The following NBAS variants were observed in gnomAD, a reference collection of about 807,000 sequenced individuals.
The protein encoded by NBAS is NBAS subunit of NRZ tethering complex, also known as NAG/BC035112 fusion.
In NBAS, 219 loss-of-function variants were observed where a neutral mutation model predicts 302.5. The observed-to-expected ratio is 0.72, with a 90% CI of 0.65 to 0.81. The LOEUF (loss-of-function observed/expected upper bound fraction) is 0.81, where lower values mean the gene tolerates loss of function less well. NBAS is among the 30% of genes least tolerant of loss of function. The pLI is 0.00. For missense variants in NBAS, 2,932 were observed against 2,841.6 expected (o/e 1.03, Z -0.72); for synonymous variants, 1,118 against 1,021.6 (o/e 1.09, Z -1.80).
At chr2:14,846,454 AG>A in the NBAS span, among the ~76,000 whole-genome samples, 1 of 151,722 alleles carries the variant, frequency 6.6e-6, no homozygotes, top group South Asian at 2.1e-4. Flanking sequence ...AAAAAAAAAA[AG>A]GATGTTAATG....
At chr2:15,381,491 A>AT (rs1168502579) in intron 29 of NBAS, among the ~76,000 whole-genome samples, 3 of 152,206 alleles carry the variant, frequency 2.0e-5, no homozygotes, top group African/African-American at 7.2e-5. Context: ...GTGTTAAAAT[A>AT]TTTTTAAAAT....
intron 21 of NBAS, among the ~76,000 whole-genome samples, chr2:15,434,163 G>A (rs185757213): frequency 3.9e-5 from 6 of 152,002 alleles, no homozygotes; most frequent in South Asian, 4.2e-4. Context: ...TCCCAAAAAA[G>A]TCAGTTATAT....
At chr2:15,527,704 G>C (rs1437440994) in intron 9 of NBAS, among the ~76,000 whole-genome samples, 1 of 152,022 alleles carries the variant, frequency 6.6e-6, no homozygotes, top group Non-Finnish European at 1.5e-5. Flanking sequence ...GGATTTTGGA[G>C]GGCAGATGTT....
the NBAS span, among the ~76,000 whole-genome samples, chr2:15,060,921 T>G: frequency 6.6e-6 from 1 of 152,096 alleles, no homozygotes; most frequent in Non-Finnish European, 1.5e-5. Flanking sequence ...ACAACATAGG[T>G]GGCTCAAAAG....
intron 42 of NBAS, among the ~76,000 whole-genome samples, chr2:15,285,186 C>A (rs1669983446): frequency 6.6e-6 from 1 of 152,102 alleles, no homozygotes; most frequent in South Asian, 2.1e-4. Context: ...TTCCATGTAG[C>A]AATTTAATAA....
chr2:15,409,527 T>C (rs1676580124), intron 25 of NBAS, among the ~76,000 whole-genome samples: 1 of 152,238 alleles, frequency 6.6e-6, no homozygotes, highest in Non-Finnish European at 1.5e-5. Context: ...ATTTCAATTC[T>C]TTAATTGTAG....
the NBAS span, among the ~76,000 whole-genome samples, chr2:14,975,230 G>C: frequency 6.6e-6 from 1 of 152,278 alleles, no homozygotes; most frequent in South Asian, 2.1e-4. Flanking sequence ...AGCCTAACTG[G>C]ACTTCTGACC....
chr2:15,078,547 G>T, the NBAS span, among the ~76,000 whole-genome samples: 1 of 152,204 alleles, frequency 6.6e-6, no homozygotes, highest in Non-Finnish European at 1.5e-5. Context: ...AGCCTGGTGT[G>T]CATGGATTAA....
intron 21 of NBAS, among the ~76,000 whole-genome samples, chr2:15,455,408 T>C (rs916757639): frequency 6.6e-6 from 1 of 152,068 alleles, no homozygotes; most frequent in Non-Finnish European, 1.5e-5. Flanking sequence ...AAATATGCTA[T>C]GGTTATATAA....
intron 31 of NBAS, among the ~76,000 whole-genome samples, chr2:15,374,019 T>C (rs952944181): frequency 2.6e-5 from 4 of 152,128 alleles, no homozygotes; most frequent in African/African-American, 7.2e-5. Flanking sequence ...CATAAATAGA[T>C]GAGACAAGTG....
At chr2:15,091,158 T>C in the NBAS span, among the ~76,000 whole-genome samples, 1 of 152,188 alleles carries the variant, frequency 6.6e-6, no homozygotes, top group African/African-American at 2.4e-5. Context: ...TGTCTGTCGG[T>C]TAATACGTTA....
At chr2:14,788,029 TC>T in the NBAS span, among the ~76,000 whole-genome samples, 1 of 152,190 alleles carries the variant, frequency 6.6e-6, no homozygotes, top group Non-Finnish European at 1.5e-5. Flanking sequence ...TTCTTTTTAT[TC>T]TTTTTTCTCT....
rs78000248 is a variant in NBAS at position 15,436,555 on chromosome 2, A to T, written c.2340-8761T>A. On this transcript the variant is annotated intron_variant, in intron 21 of 51. Coordinates refer to ENST00000281513, the MANE Select transcript of NBAS (RefSeq NM_015909.4). ...AAATATTCAAAAAGAAAAACTAAAA[A>T]TCATAAATATGGCACGTTAACCTCA... 0.023 allele frequency among the ~76,000 whole-genome samples: 3,463 copies of T among 152,304 alleles called. 229 individuals carry two copies. The East Asian group carries it at 0.26, about 11-fold the overall frequency.
chr2:14,894,164 C>T, the NBAS span, among the ~76,000 whole-genome samples: 1 of 152,166 alleles, frequency 6.6e-6, no homozygotes, highest in Non-Finnish European at 1.5e-5. Context: ...ACATAGCTTT[C>T]ATACATACCT....
At chr2:15,282,958 G>A (rs541903353) in intron 42 of NBAS, among the ~76,000 whole-genome samples, 2 of 152,162 alleles carry the variant, frequency 1.3e-5, no homozygotes, top group East Asian at 3.9e-4. Context: ...ATCCAAGAGA[G>A]GCCTTCCCCA....
intron 44 of NBAS, among the ~76,000 whole-genome samples, chr2:15,256,388 CTGATTTG>C (rs1668594295): frequency 6.6e-6 from 1 of 151,986 alleles, no homozygotes; most frequent in African/African-American, 2.4e-5. Flanking sequence ...AGCAGTGCCA[CTGATTTG>C]TGTACACTGA....
chr2:15,260,648 T>C (rs1668807547), intron 44 of NBAS, among the ~76,000 whole-genome samples: 1 of 152,114 alleles, frequency 6.6e-6, no homozygotes, highest in Admixed American at 6.5e-5. Flanking sequence ...TGACATTATG[T>C]TAAAGGACTG....
At chr2:15,386,484 A>G (rs952368828) in intron 28 of NBAS, among the ~76,000 whole-genome samples, 1 of 152,190 alleles carries the variant, frequency 6.6e-6, no homozygotes, top group African/African-American at 2.4e-5. Context: ...CTCCTTCAGG[A>G]TTAGTGCTTG....
chr2:15,122,319 G>A, the NBAS span, among the ~76,000 whole-genome samples: 1 of 152,168 alleles, frequency 6.6e-6, no homozygotes, highest in Admixed American at 6.5e-5. Flanking sequence ...CTCCTAGTGA[G>A]CCCTCAGGGA....
Sources: gnomAD v4.1 joint callset for allele counts (sites outside exome capture counted in the v4.1 genomes callset) on GRCh38, gnomAD v4.1.1 for gene constraint, MANE v1.5 for transcripts, NCBI Gene and HGNC (gene_info 2026-07-23, HGNC 2026-07-21) for gene names.